Variants in UPF3B observed in about 807,000 individuals in gnomAD.
UPF3B encodes the protein regulator of nonsense transcripts 3B.
In UPF3B, 7 loss-of-function variants were observed where a neutral mutation model predicts 40.3. The ratio of observed to expected loss-of-function variants is 0.17; its 90% CI spans 0.10 to 0.33. The LOEUF is 0.33. Ranked by LOEUF, UPF3B falls within the 10% of genes least tolerant of loss-of-function variation. The pLI, the probability that UPF3B is intolerant of heterozygous loss-of-function variation, is 1.00. For synonymous variants in UPF3B, 117 were observed against 117.3 expected (o/e 1.00, Z 0.01); for missense variants, 229 against 358.9 (o/e 0.64, Z 2.93).
chrX:119,837,669 C>A, intron 10 of UPF3B, 88 bp downstream of exon 10: 31 of 791,544 alleles, frequency 3.9e-5, no homozygotes, highest in Non-Finnish European at 5.4e-5. Context: ...TTTAAAAATT[C>A]TATAATAACA....
intron 5 of UPF3B, among the ~76,000 whole-genome samples, chrX:119,814,408 C>T (rs966823298): frequency 4.4e-5 from 5 of 112,430 alleles, no homozygotes; most frequent in Non-Finnish European, 9.4e-5. Flanking sequence ...ATATTGGATA[C>T]GGAAGTAACA....
intron 4 of UPF3B, among the ~76,000 whole-genome samples, chrX:119,820,617 G>C (rs868488353): frequency 2.0e-5 from 2 of 100,376 alleles, no homozygotes; most frequent in Middle Eastern, 5.3e-3. Flanking sequence ...GCTCCACCAA[G>C]CCTGGCCAAT....
Position 119,826,338 on chromosome X carries a change from G to A in UPF3B, c.393-3295C>T, listed in dbSNP as rs147343850. Among the ~76,000 whole-genome samples the A allele has an allele frequency of 5.0e-4, 54 of 109,047 alleles. No individual in the cohort carries two copies. The East Asian group carries it at 0.012, about 23-fold the overall frequency. The allele number at this position is 109,047 out of a possible 115,157, so 94.7% of individuals were successfully genotyped here. On this transcript the variant is annotated intron_variant, in intron 3 of 6. Transcript: ENST00000636792. ...TCTACTGAAAATACAAAAACTAGCC[G>A]GGCCTGGTGGTGCGTGCCTATAATC...
At chrX:119,845,528 T>A (rs1355479517) in intron 3 of UPF3B, among the ~76,000 whole-genome samples, 1 of 112,418 alleles carries the variant, frequency 8.9e-6, no homozygotes, top group Admixed American at 9.5e-5. Context: ...AATATTCATA[T>A]AAATTCAACT....
In UPF3B at chrX:119,834,948, G is replaced by A; in HGVS notation, c.1382C>T (p.Ser461Phe). ...CTTCCTTTCTGCTGCTGAATCTCCA[G>A]ACTTGGTGCTGTCATCAGGGGGACA... is the stretch of plus-strand genomic sequence containing the variant. ...RLCPPDDSTK[S>F]GDSAAERKQE... Residue 461 changes from serine (S) to phenylalanine (F), a missense_variant, in exon 11 of 11, where the codon TCT (serine) becomes TTT (phenylalanine). By Grantham distance (155) the Ser-to-Phe change is radical. Transcript: ENST00000276201. The A allele has an allele frequency of 8.3e-7, 1 of 1,211,935 alleles. No individual in the cohort carries two copies. Among genetic ancestry groups the A allele is most frequent in the Non-Finnish European group, 1.1e-6 (1 of 895,587 alleles).
intron 4 of UPF3B, among the ~76,000 whole-genome samples, chrX:119,820,626 A>ATTTTTTTTTTT (rs370271993): frequency 1.2e-4 from 11 of 90,166 alleles, no homozygotes; most frequent in African/African-American, 4.7e-4. Flanking sequence ...AGCCTGGCCA[A>ATTTTTTTTTTT]TTTTTTTTTT....
At chrX:119,835,781 G>A (rs749606415) in intron 10 of UPF3B, among the ~76,000 whole-genome samples, 1 of 111,372 alleles carries the variant, frequency 9.0e-6, no homozygotes, top group East Asian at 2.8e-4. Context: ...TTTGAGACCA[G>A]CCTGAGCAAC....
At chrX:119,807,539 G>A in exon 6 of UPF3B, 4 of 852,122 alleles carry the variant, frequency 4.7e-6, no homozygotes, top group Non-Finnish European at 5.8e-6. Context: ...AATCGACCTG[G>A]GCTTCGAGCT....
At chrX:119,813,262 T>C (rs1373645409) in intron 5 of UPF3B, among the ~76,000 whole-genome samples, 2 of 111,454 alleles carry the variant, frequency 1.8e-5, no homozygotes, top group African/African-American at 6.5e-5. Flanking sequence ...CATGGAAATA[T>C]AATCCCCAGT....
chrX:119,849,809 G>T (rs1308583921), intron 3 of UPF3B, among the ~76,000 whole-genome samples: 1 of 111,183 alleles, frequency 9.0e-6, no homozygotes, highest in Non-Finnish European at 1.9e-5. Flanking sequence ...TAGAGACAGT[G>T]GTTGTCTAGG....
At chrX:119,829,921 G>T (rs1423530828), downstream of UPF3B, among the ~76,000 whole-genome samples, 1 of 111,572 alleles carries the variant, frequency 9.0e-6, no homozygotes, top group Admixed American at 9.6e-5. Context: ...CAAATCCAAT[G>T]AACACTTCCA....
At chrX:119,810,822 T>C (rs1256373631) in intron 5 of UPF3B, among the ~76,000 whole-genome samples, 1 of 111,119 alleles carries the variant, frequency 9.0e-6, no homozygotes, top group Non-Finnish European at 1.9e-5. Context: ...CCATTTTTTT[T>C]CCAGTTAATA....
At chrX:119,830,008 C>T (rs928608493), downstream of UPF3B, among the ~76,000 whole-genome samples, 1 of 111,867 alleles carries the variant, frequency 8.9e-6, no homozygotes, top group African/African-American at 3.2e-5. Flanking sequence ...TCCTTTAATC[C>T]TGTCGCCCAG....
intron 3 of UPF3B, among the ~76,000 whole-genome samples, chrX:119,824,216 C>T (rs1443097143): frequency 2.1e-5 from 2 of 95,813 alleles, no homozygotes; most frequent in Admixed American, 1.2e-4. Flanking sequence ...CCACAACACC[C>T]TGTGCTACCT....
At chrX:119,825,467 A>T (rs1244646908) in intron 3 of UPF3B, among the ~76,000 whole-genome samples, 3 of 111,734 alleles carry the variant, frequency 2.7e-5, no homozygotes, top group Non-Finnish European at 5.6e-5. Context: ...AAGTCCATGG[A>T]AATTGTGTAT....
At chrX:119,821,100 T>C (rs2055913557) in intron 4 of UPF3B, among the ~76,000 whole-genome samples, 1 of 111,399 alleles carries the variant, frequency 9.0e-6, no homozygotes, top group Non-Finnish European at 1.9e-5. Context: ...GGTGCTGTCC[T>C]CTCCATAGTG....
At chrX:119,835,824 A>T (rs1289041473) in intron 10 of UPF3B, among the ~76,000 whole-genome samples, 5 of 110,928 alleles carry the variant, frequency 4.5e-5, no homozygotes, top group African/African-American at 1.6e-4. Context: ...AAAAAACTTA[A>T]AAATTAGCTG....
rs2056156231 is a variant in UPF3B at position 119,841,121 on chromosome X, G to A, written c.762C>T (p.Asp254=). 8.3e-7 allele frequency: 1 copy of A among 1,205,041 alleles called. No individual in the cohort carries two copies. Among genetic ancestry groups the A allele is most frequent in the Non-Finnish European group, 1.1e-6 (1 of 891,819 alleles). ...RKDIEKLKKI[D]RIPERDKLKD... ...TTAATTTGTCCCTTTCTGGAATTCT[G>A]TCTATCTTCTTTAGCTTTTCTATAT... Residue 254 remains aspartate (D), a synonymous_variant, in exon 7 of 11, where the codon GAC becomes GAT. Transcript: ENST00000276201.
intron 5 of UPF3B, among the ~76,000 whole-genome samples, chrX:119,812,393 G>A (rs753658837): frequency 1.8e-5 from 2 of 111,677 alleles, no homozygotes; most frequent in African/African-American, 6.5e-5. Context: ...AAGATCCCTC[G>A]TACTTCCCTA....
Sources: allele counts gnomAD v4.1 joint callset (sites outside exome capture counted in the v4.1 genomes callset), GRCh38; gene constraint gnomAD v4.1.1; transcripts MANE v1.5; gene names NCBI Gene and HGNC (gene_info 2026-07-23, HGNC 2026-07-21).